KIR2DL3: variants seen among roughly 807,000 people sequenced by gnomAD.
KIR2DL3 encodes killer cell immunoglobulin-like receptor 2DL3.
A neutral mutation model predicts 33.8 loss-of-function variants in KIR2DL3; 39 were observed. The ratio of observed to expected loss-of-function variants is 1.15; its 90% confidence interval spans 0.89 to 1.51. The LOEUF is 1.51. Among genes scored for constraint, KIR2DL3 ranks in the 40% most tolerant of loss-of-function variants. The pLI, the probability that KIR2DL3 is intolerant of heterozygous loss-of-function variation, is 0.00. For missense variants in KIR2DL3, 462 were observed against 426.2 expected (o/e 1.08, Z -0.74); for synonymous variants, 174 against 160.2 (o/e 1.09, Z -0.65).
Position 54,752,232 on chromosome 19 carries a change from C to A in KIR2DL3, c.837C>A (p.Asp279Glu), listed in dbSNP as rs1361969557. The A allele has an allele frequency of 5.4e-6, 8 of 1,473,694 alleles. 1 individual carries two copies. Among genetic ancestry groups the A allele is most frequent in the Middle Eastern group, 1.9e-4 (1 of 5,162 alleles). 91.3% of individuals were successfully genotyped at this position (1,473,694 alleles called of 1,614,324 possible). A position where few individuals can be genotyped will look rare whatever the true frequency, so the allele number is the denominator to read the frequency against. ...CCNKKNAVVM[D>E]QEPAGNRTVN... ...CTTCTACAGATGCTGTTGTAATGGA[C>A]CAAGAGCCTGCAGGGAACAGAACAG... Residue 279 changes from aspartate (D) to glutamate (E), a missense_variant, in exon 7 of 8, where the codon GAC becomes GAA. Transcript: ENST00000342376.
rs1427543268 is a variant in KIR2DL3 at position 54,751,922 on chromosome 19, C to A, written c.820+169C>A. On this transcript the variant is annotated intron_variant, in intron 6 of 7. Coordinates refer to ENST00000342376, the MANE Select transcript of KIR2DL3 (RefSeq NM_015868.3). The stretch of plus-strand genomic sequence containing the variant: ...CCAGACTCCCTGTCCCTGCCTTCAG[C>A]TCACAGACCATTGCCTGATTCTGAA... 2.3e-4 allele frequency among the ~76,000 whole-genome samples: 31 copies of A among 133,738 alleles called. 5 individuals are homozygous for A. The highest frequency in any genetic ancestry group is 8.7e-4 in the African/African-American group (31 of 35,582). The allele number at this position is 133,738 out of a possible 152,430, so 87.7% of individuals were successfully genotyped here.
At chr19:54,741,157 C>A (rs1809383251) in intron 2 of KIR2DL3, among the ~76,000 whole-genome samples, 1 of 151,170 alleles carries the variant, frequency 6.6e-6, no homozygotes, top group Admixed American at 6.6e-5. Flanking sequence ...CACTGGAACC[C>A]AGGTCAAGGA....
At chr19:54,748,793 T>G (rs1162181810) in intron 5 of KIR2DL3, among the ~76,000 whole-genome samples, 1 of 146,678 alleles carries the variant, frequency 6.8e-6, no homozygotes, top group Non-Finnish European at 1.5e-5. Context: ...GGCTAATTCT[T>G]TTTGTATATT....
chr19:54,752,764 T>G lies in KIR2DL3; in HGVS notation c.*245T>G, dbSNP rs2073682392. On this transcript the variant is annotated 3_prime_UTR_variant, in exon 8 of 8. Coordinates refer to ENST00000342376, the MANE Select transcript of KIR2DL3 (RefSeq NM_015868.3). ...CTGGAGAGAAAACACACTCCTTTGC[T>G]TAGCCCACAATTCTCCATTTCACTT... 1 of 617,714 alleles carries G rather than the reference T, an allele frequency of 1.6e-6. No homozygotes were observed. The highest frequency in any genetic ancestry group is 2.0e-5 in the African/African-American group (1 of 50,696). The allele number at this position is 617,714 out of a possible 1,614,324, so 38.3% of individuals were successfully genotyped here.
chr19:54,738,713 TG>T, intron 1 of KIR2DL3, 134 bp downstream of exon 1: 1 of 726,542 alleles, frequency 1.4e-6, no homozygotes, highest in Non-Finnish European at 1.9e-6. Flanking sequence ...GATCTGGGCC[TG>T]GAGTGGAGAT....
In KIR2DL3 at chr19:54,752,299, AGT is replaced by A. The variant is rs757408529; in HGVS notation, c.873+34_873+35del. On this transcript the variant is annotated intron_variant, in intron 7 of 7. Transcript: ENST00000342376. The stretch of plus-strand genomic sequence containing the variant: ...TGCTCCTCGGCCCAGCCTCGTGGCT[AGT>A]GTTATTCCCAAAGAGTCCTGGAAAA... The A allele has an allele frequency of 1.3e-6, 2 of 1,484,210 alleles. 1 individual carries two copies. The highest frequency in any genetic ancestry group is 1.8e-6 in the Non-Finnish European group (2 of 1,087,138). 91.9% of individuals were successfully genotyped at this position (1,484,210 alleles called of 1,614,324 possible).
At position 54,742,340 on chromosome 19, in the gene KIR2DL3, G is replaced by A. The variant is rs1600338910; in HGVS notation, c.370+61G>A. The A allele has an allele frequency of 4.4e-6, 7 of 1,596,578 alleles. No individual in the cohort carries two copies. In the East Asian group the frequency reaches 8.9e-5, roughly 20 times the overall value. The stretch of plus-strand genomic sequence containing the variant: ...TGCAGAGTGAATGATCCACGACTTG[G>A]AACCCCCAGGTAGTTGTAAGGAAGA... On this transcript the variant is annotated intron_variant, in intron 3 of 7. Coordinates refer to ENST00000342376, the MANE Select transcript of KIR2DL3 (RefSeq NM_015868.3).
rs1340049750 is a variant in KIR2DL3, at chr19:54,751,607, C to A, written c.716-42C>A. The A allele has an allele frequency of 1.4e-5, 19 of 1,384,910 alleles. 4 individuals are homozygous for A. The highest frequency in any genetic ancestry group is 2.0e-4 in the Middle Eastern group (1 of 5,056). 85.8% of individuals were successfully genotyped at this position (1,384,910 alleles called of 1,614,324 possible). A position where few individuals can be genotyped will look rare whatever the true frequency, so the allele number is the denominator to read the frequency against. ...ATGTGAGACAATTCATAAAGAGGAA[C>A]TGCTATGATTAGCTTCTTATTGGTG... On this transcript the variant is annotated intron_variant, in intron 5 of 7. Transcript: ENST00000342376.
At chr19:54,738,628 G>C in intron 1 of KIR2DL3, 49 bp downstream of exon 1, 2 of 1,613,508 alleles carry the variant, frequency 1.2e-6, no homozygotes. Flanking sequence ...ATGGAGATCG[G>C]GGCCCAGAGT....
intron 3 of KIR2DL3, among the ~76,000 whole-genome samples, chr19:54,742,769 T>A (rs1472809232): frequency 1.3e-5 from 2 of 151,130 alleles, no homozygotes; most frequent in Admixed American, 1.3e-4. Context: ...TCCCAGGATA[T>A]CATGGCCCCA....
intron 4 of KIR2DL3, among the ~76,000 whole-genome samples, chr19:54,744,954 ATTTTTTTTTTT>A (rs71195797): frequency 3.7e-3 from 115 of 31,112 alleles, no homozygotes; most frequent in Non-Finnish European, 5.3e-3. Context: ...ATATATATAT[ATTTTTTTTTTT>A]TTTTTTTTTT....
chr19:54,748,752 G>A (rs1161878122), intron 5 of KIR2DL3, among the ~76,000 whole-genome samples: 1 of 144,654 alleles, frequency 6.9e-6, no homozygotes, highest in Non-Finnish European at 1.5e-5. Context: ...CTCTCGAGTA[G>A]CTGGGATTAC....
rs1325727922 is a variant in KIR2DL3 at position 54,746,112 on chromosome 19, C to T, written c.665-1223C>T. On this transcript the variant is annotated intron_variant, in intron 4 of 7. Coordinates refer to ENST00000342376, the MANE Select transcript of KIR2DL3 (RefSeq NM_015868.3). ...ACAGACGTGAGCCACCACGCCCGGCCTAAAATCCATTTTAATGGGGTGAGA... is the reference window on the plus strand; with the variant it reads ...ACAGACGTGAGCCACCACGCCCGGCTTAAAATCCATTTTAATGGGGTGAGA... Among the ~76,000 whole-genome samples the T allele has an allele frequency of 6.7e-5, 9 of 134,592 alleles. 2 individuals carry two copies. Among genetic ancestry groups the T allele is most frequent in the Non-Finnish European group, 1.5e-4 (9 of 60,998 alleles). 88.3% of individuals were successfully genotyped at this position (134,592 alleles called of 152,430 possible). A position where few individuals can be genotyped will look rare whatever the true frequency, so the allele number is the denominator to read the frequency against.
In KIR2DL3 at chr19:54,747,972, C is replaced by T. The variant is rs1476784227; in HGVS notation, c.715+587C>T. ...ACAAGATTCGTGGGTGAAAACAAAA[C>T]GGTTTTTTAATTATCTTACAGTGCT... On this transcript the variant is annotated intron_variant, in intron 5 of 7. Transcript: ENST00000342376. Among the ~76,000 whole-genome samples, 6 of 152,248 alleles carry T rather than the reference C, an allele frequency of 3.9e-5. No individual in the cohort carries two copies. The East Asian group carries it at 9.7e-4, about 25-fold the overall frequency.
At chr19:54,744,178 G>T in intron 4 of KIR2DL3, 90 bp downstream of exon 4, 5 of 1,564,058 alleles carry the variant, frequency 3.2e-6, no homozygotes, top group Non-Finnish European at 4.4e-6. Context: ...AGCATGGACA[G>T]ATGCAGAGAG....
chr19:54,745,234 G>A (rs1365981769), intron 4 of KIR2DL3, among the ~76,000 whole-genome samples: 1 of 152,072 alleles, frequency 6.6e-6, no homozygotes, highest in African/African-American at 2.4e-5. Context: ...CTTGGCTACT[G>A]TGAACAGTGC....
In KIR2DL3 at chr19:54,752,581, A is replaced by G; in HGVS notation, c.*62A>G. The G allele has an allele frequency of 6.9e-7, 1 of 1,452,720 alleles. No homozygotes were observed. Among genetic ancestry groups the G allele is most frequent in the Non-Finnish European group, 9.4e-7 (1 of 1,066,736 alleles). 90.0% of individuals were successfully genotyped at this position (1,452,720 alleles called of 1,614,324 possible). A position where few individuals can be genotyped will look rare whatever the true frequency, so the allele number is the denominator to read the frequency against. ...GGCCTTGAGGGGATCTTCTAGGGAG[A>G]CAACAGCCCTGTCTCAAAACTGGGT... On this transcript the variant is annotated 3_prime_UTR_variant, in exon 8 of 8. Transcript: ENST00000342376.
Position 54,744,921 on chromosome 19 carries a change from C to CATATATATATGTGTAT in KIR2DL3, c.664+843_664+844insGTGTATATATATATAT, listed in dbSNP as rs2072105959. ...ATACACACACACACACATATATAAA[C>CATATATATATGTGTAT]ATATATATATATATATATATATATA... On this transcript the variant is annotated intron_variant, in intron 4 of 7. Transcript: ENST00000342376. 1.3e-3 allele frequency among the ~76,000 whole-genome samples: 32 copies of CATATATATATGTGTAT among 25,140 alleles called. 1 individual carries two copies. The highest frequency in any genetic ancestry group is 1.7e-3 in the Non-Finnish European group (22 of 12,924). 16.5% of individuals were successfully genotyped at this position (25,140 alleles called of 152,430 possible). A position where few individuals can be genotyped will look rare whatever the true frequency, so the allele number is the denominator to read the frequency against.
chr19:54,746,545 A>C (rs2072516708), intron 4 of KIR2DL3, among the ~76,000 whole-genome samples: 1 of 148,146 alleles, frequency 6.8e-6, no homozygotes, highest in Admixed American at 6.9e-5. Flanking sequence ...TCACATCTTT[A>C]ATCCATTTTC....
Sources: allele counts gnomAD v4.1 joint callset (sites outside exome capture counted in the v4.1 genomes callset), GRCh38; gene constraint gnomAD v4.1.1; transcripts MANE v1.5; gene names NCBI Gene and HGNC (gene_info 2026-07-23, HGNC 2026-07-21).